The following CCDC186 variants were observed in gnomAD, a reference collection of about 807,000 sequenced individuals.
CCDC186 encodes coiled-coil domain-containing protein 186.
A neutral mutation model predicts 113.7 loss-of-function variants in CCDC186; 49 were observed. The ratio of observed to expected loss-of-function variants is 0.43; its 90% CI spans 0.34 to 0.55. The LOEUF (loss-of-function observed/expected upper bound fraction) is 0.55, where lower values mean the gene tolerates loss of function less well. CCDC186 is among the 20% of genes least tolerant of loss of function. The probability of loss-of-function intolerance (pLI) is 0.02; values close to 1 mark genes in which losing one functional copy is unlikely to be tolerated. For missense variants in CCDC186, 890 were observed against 1,011.1 expected, an observed-to-expected ratio of 0.88 and a Z score of 1.62; for synonymous variants, 355 against 345.8, an observed-to-expected ratio of 1.03 and a Z score of -0.30.
intron 4 of CCDC186, 81 bp from the exon 5 acceptor site, chr10:114,145,842 T>A: frequency 7.8e-7 from 1 of 1,284,330 alleles, no homozygotes; most frequent in Admixed American, 2.7e-5. Flanking sequence ...TATTTGTCTC[T>A]TATATTACCA....
chr10:114,163,245 G>A lies in CCDC186; in HGVS notation c.24C>T (p.Ala8=). 1.2e-6 allele frequency: 2 copies of A among 1,612,212 alleles called. No individual in the cohort carries two copies. Among genetic ancestry groups the A allele is most frequent in the Non-Finnish European group, 8.5e-7 (1 of 1,179,950 alleles). ...CAACATTTTTATCAGAGGAAGTAGA[G>A]GCTATGTGGTCTGTCTCTGACATGC... MSETDHI[A]STSSDKNVGK... The change falls in exon 2 of 16, where the codon GCC becomes GCT. Residue 8 remains alanine, a synonymous_variant. Coordinates refer to ENST00000369287, the MANE Select transcript of CCDC186 (RefSeq NM_018017.4).
At chr10:114,132,920 A>C (rs779618901) in intron 10 of CCDC186, among the ~76,000 whole-genome samples, 4 of 152,240 alleles carry the variant, frequency 2.6e-5, no homozygotes, top group African/African-American at 4.8e-5. Context: ...AACATCTGTT[A>C]ATCAACTACA....
intron 14 of CCDC186, among the ~76,000 whole-genome samples, chr10:114,126,354 GCTT>G (rs1200174547): frequency 1.3e-5 from 2 of 152,078 alleles, no homozygotes; most frequent in Non-Finnish European, 1.5e-5. Context: ...CAAAAGTTGA[GCTT>G]TTTTGTTTGT....
intron 1 of CCDC186, 151 bp downstream of exon 1, chr10:114,173,864 C>A: frequency 2.8e-6 from 1 of 355,208 alleles, no homozygotes; most frequent in Non-Finnish European, 5.6e-6. Context: ...CTCAAAGGAG[C>A]CAGGCGGGGA....
intron 6 of CCDC186, among the ~76,000 whole-genome samples, chr10:114,141,123 G>A (rs1228753703): frequency 6.6e-6 from 1 of 151,948 alleles, no homozygotes; most frequent in Non-Finnish European, 1.5e-5. Flanking sequence ...TCAAACTCCT[G>A]ACCTCAAGCA....
chr10:114,166,276 C>T (rs183202989), intron 1 of CCDC186, among the ~76,000 whole-genome samples: 107 of 152,336 alleles, frequency 7.0e-4, no homozygotes, highest in Middle Eastern at 3.4e-3. Context: ...CCCAACCAGT[C>T]TAACTCAAAG....
chr10:114,157,462 G>A (rs866812585), intron 3 of CCDC186, 92 bp downstream of exon 3: 6 of 1,247,420 alleles, frequency 4.8e-6, no homozygotes, highest in Non-Finnish European at 6.4e-6. Context: ...AAAGTGCTAC[G>A]ATTACAGGCA....
At chr10:114,171,382 A>G (rs1418195304) in intron 1 of CCDC186, among the ~76,000 whole-genome samples, 2 of 151,776 alleles carry the variant, frequency 1.3e-5, no homozygotes, top group Non-Finnish European at 2.9e-5. Context: ...AAAAAATAAT[A>G]ATATATAATT....
chr10:114,170,050 A>G (rs923045620), intron 1 of CCDC186, among the ~76,000 whole-genome samples: 1 of 152,186 alleles, frequency 6.6e-6, no homozygotes, highest in Non-Finnish European at 1.5e-5. Context: ...GGTGCATGCC[A>G]CCATACCCAG....
At chr10:114,133,827 G>A (rs1207982558) in intron 10 of CCDC186, among the ~76,000 whole-genome samples, 1 of 152,126 alleles carries the variant, frequency 6.6e-6, no homozygotes, top group Non-Finnish European at 1.5e-5. Context: ...AGGAAACGGA[G>A]AATGAATACA....
intron 4 of CCDC186, 103 bp downstream of exon 4, chr10:114,150,989 A>T: frequency 1.5e-6 from 2 of 1,343,278 alleles, no homozygotes; most frequent in Non-Finnish European, 2.0e-6. Context: ...ACCTAGTATT[A>T]ATACAATAGT....
rs533828469 is a variant in CCDC186 at position 114,146,096 on chromosome 10, T to A, written c.889-335A>T. 3.3e-4 allele frequency among the ~76,000 whole-genome samples: 51 copies of A among 152,244 alleles called. 1 individual carries two copies. The highest frequency in any genetic ancestry group is 3.4e-3 in the Middle Eastern group (1 of 294). On this transcript the variant is annotated intron_variant, in intron 4 of 15. Coordinates refer to ENST00000369287, the MANE Select transcript of CCDC186 (RefSeq NM_018017.4). ...GAACATGATGACATCATGAACCCTA[T>A]CAATAAGCTCTCTTGCCCTCAAACT...
intron 6 of CCDC186, among the ~76,000 whole-genome samples, chr10:114,139,203 C>CTTTTTTTTTT (rs78214340): frequency 7.4e-6 from 1 of 134,240 alleles, no homozygotes. Context: ...CCCTTTGTTC[C>CTTTTTTTTTT]TTTTTTTTTT....
intron 1 of CCDC186, among the ~76,000 whole-genome samples, chr10:114,171,304 G>T (rs904370931): frequency 2.0e-5 from 3 of 152,030 alleles, no homozygotes; most frequent in Non-Finnish European, 4.4e-5. Context: ...GGGAGGCCTA[G>T]ATGGGAGGAT....
intron 4 of CCDC186, among the ~76,000 whole-genome samples, chr10:114,150,506 C>G (rs1399449355): frequency 6.6e-6 from 1 of 151,476 alleles, no homozygotes; most frequent in Non-Finnish European, 1.5e-5. Context: ...ATCAAAATAC[C>G]AATAATTAGC....
At position 114,123,037 on chromosome 10, in the gene CCDC186, C is replaced by T. The variant is rs2030779100; in HGVS notation, c.*2106G>A. On this transcript the variant is annotated 3_prime_UTR_variant, in exon 16 of 16. Transcript: ENST00000369287. ...TATGGATCAGATCACTATTTGGTCT[C>T]CATTATACATTTTGTGCCTTGGGGA... 1.3e-5 allele frequency: 2 copies of T among 152,320 alleles called. No individual in the cohort carries two copies. The highest frequency in any genetic ancestry group is 2.9e-5 in the Non-Finnish European group (2 of 67,968). The allele number at this position is 152,320 out of a possible 1,614,324, so 9.4% of individuals were successfully genotyped here.
chr10:114,134,835 A>G (rs2031203413), intron 10 of CCDC186, 78 bp downstream of exon 10: 2 of 1,506,314 alleles, frequency 1.3e-6, no homozygotes, highest in East Asian at 2.4e-5. Flanking sequence ...GTTTAATGCA[A>G]TAACTGCATT....
intron 6 of CCDC186, among the ~76,000 whole-genome samples, chr10:114,142,731 G>A (rs529052160): frequency 3.4e-4 from 52 of 152,242 alleles, no homozygotes; most frequent in Non-Finnish European, 6.5e-4. Context: ...GATCACAATG[G>A]ATCCAGTAAG....
intron 13 of CCDC186, among the ~76,000 whole-genome samples, chr10:114,129,370 C>G (rs1589607659): frequency 6.6e-6 from 1 of 151,404 alleles, no homozygotes; most frequent in Non-Finnish European, 1.5e-5. Flanking sequence ...GGTAGGGAGA[C>G]AGATCATCAC....
Sources: gnomAD v4.1 joint callset for allele counts (sites outside exome capture counted in the v4.1 genomes callset) on GRCh38, gnomAD v4.1.1 for gene constraint, MANE v1.5 for transcripts, NCBI Gene and HGNC (gene_info 2026-07-23, HGNC 2026-07-21) for gene names.